Variants in B3GALT1 observed in about 807,000 individuals in gnomAD.
B3GALT1 encodes the protein UDP-Gal:betaGlcNAc beta 1,3-galactosyltransferase, polypeptide 1.
A neutral mutation model predicts 23.2 loss-of-function variants in B3GALT1; 10 were observed. The observed-to-expected ratio is 0.43, with a 90% CI of 0.27 to 0.73. The LOEUF is 0.73. B3GALT1 is among the 30% of genes least tolerant of loss of function. The pLI is 0.21. For missense variants in B3GALT1, 299 were observed against 405.4 expected, an observed-to-expected ratio of 0.74 and a Z score of 2.25; for synonymous variants, 156 against 141.5, an observed-to-expected ratio of 1.10 and a Z score of -0.73.
In B3GALT1 at chr2:167,740,684, GTGCAA is replaced by G. The variant is rs1310595887; in HGVS notation, c.-351-77987_-351-77983del. Among the ~76,000 whole-genome samples the G allele has an allele frequency of 2.0e-5, 3 of 152,054 alleles. No individual in the cohort carries two copies. The East Asian group carries it at 5.8e-4, about 29-fold the overall frequency. On this transcript the variant is annotated intron_variant, in intron 3 of 4. Transcript: ENST00000392690. Reference sequence around the variant, plus strand: ...TAAGAAGCAGATGAAATTCATCTTTGTGCAAATACTCTGAAAAGTAAAATATTACT... The same window carrying G: ...TAAGAAGCAGATGAAATTCATCTTTGATACTCTGAAAAGTAAAATATTACT...
intron 2 of B3GALT1, among the ~76,000 whole-genome samples, chr2:167,517,208 G>T (rs1700111422): frequency 6.6e-6 from 1 of 151,276 alleles, no homozygotes; most frequent in Admixed American, 6.6e-5. Flanking sequence ...CTACTTTGGG[G>T]TTTTATTGTT....
At chr2:167,541,267 A>G (rs1393221077) in intron 2 of B3GALT1, among the ~76,000 whole-genome samples, 2 of 152,140 alleles carry the variant, frequency 1.3e-5, no homozygotes, top group African/African-American at 4.8e-5. Context: ...TTGATTAAAG[A>G]TGCGGTTTCT....
intron 3 of B3GALT1, among the ~76,000 whole-genome samples, chr2:167,698,233 G>A (rs1281987955): frequency 6.6e-6 from 1 of 152,144 alleles, no homozygotes; most frequent in Non-Finnish European, 1.5e-5. Context: ...TTGTTTATAA[G>A]CAACTCAAGG....
intron 2 of B3GALT1, among the ~76,000 whole-genome samples, chr2:167,545,120 T>C (rs566204913): frequency 3.7e-4 from 51 of 136,344 alleles, no homozygotes; most frequent in East Asian, 1.5e-3. Flanking sequence ...CTGCAAGCTC[T>C]GCCTCCCGGG....
intron 3 of B3GALT1, among the ~76,000 whole-genome samples, chr2:167,763,645 T>G (rs1390027742): frequency 7.4e-6 from 1 of 134,536 alleles, no homozygotes; most frequent in Non-Finnish European, 1.6e-5. Flanking sequence ...GACCCGAGAT[T>G]GCTCTACTAC....
At chr2:167,560,832 C>T (rs1299296106) in intron 2 of B3GALT1, among the ~76,000 whole-genome samples, 2 of 152,132 alleles carry the variant, frequency 1.3e-5, no homozygotes, top group East Asian at 1.9e-4. Context: ...TACAAAGAGA[C>T]TTAGACTCCC....
chr2:167,497,214 G>A lies in B3GALT1; in HGVS notation c.-410+6937G>A, dbSNP rs1448949982. 3.3e-5 allele frequency among the ~76,000 whole-genome samples: 5 copies of A among 152,072 alleles called. No individual in the cohort carries two copies. In the East Asian group the frequency reaches 9.7e-4, roughly 29 times the overall value. ...TAGAACTGTTGTACAAAAATACAAAGTTGAGCAGAGGAAGGGAAATGAGGG... is the reference window on the plus strand; with the variant it reads ...TAGAACTGTTGTACAAAAATACAAAATTGAGCAGAGGAAGGGAAATGAGGG... On this transcript the variant is annotated intron_variant, in intron 2 of 4. Transcript: ENST00000392690.
At chr2:167,579,192 G>C (rs1208758592) in intron 2 of B3GALT1, among the ~76,000 whole-genome samples, 3 of 151,906 alleles carry the variant, frequency 2.0e-5, no homozygotes, top group Admixed American at 6.6e-5. Flanking sequence ...TGTTACATGT[G>C]CTATGCTGAA....
At chr2:167,843,796 C>T (rs949329370) in intron 4 of B3GALT1, among the ~76,000 whole-genome samples, 1 of 152,164 alleles carries the variant, frequency 6.6e-6, no homozygotes, top group Non-Finnish European at 1.5e-5. Context: ...GTTGTAGTTG[C>T]AGAATGATGA....
At chr2:167,542,215 T>C (rs1683545391) in intron 2 of B3GALT1, among the ~76,000 whole-genome samples, 2 of 152,168 alleles carry the variant, frequency 1.3e-5, no homozygotes, top group African/African-American at 2.4e-5. Flanking sequence ...GGACCTGTCC[T>C]TTCATAATTT....
At chr2:167,351,303 A>G (rs2105255486) in intron 1 of B3GALT1, among the ~76,000 whole-genome samples, 1 of 151,742 alleles carries the variant, frequency 6.6e-6, no homozygotes, top group South Asian at 2.1e-4. Context: ...AAAAAACCAC[A>G]CACAAAAACA....
chr2:167,772,222 CT>C (rs1476223572), intron 3 of B3GALT1, among the ~76,000 whole-genome samples: 1 of 152,150 alleles, frequency 6.6e-6, no homozygotes, highest in African/African-American at 2.4e-5. Context: ...TCTTGAGGTA[CT>C]CTTAAAATTG....
chr2:167,545,763 C>A (rs1683626532), intron 2 of B3GALT1, among the ~76,000 whole-genome samples: 1 of 152,180 alleles, frequency 6.6e-6, no homozygotes, highest in Non-Finnish European at 1.5e-5. Context: ...ACTCACACAA[C>A]TCAAAAAGTT....
intron 1 of B3GALT1, among the ~76,000 whole-genome samples, chr2:167,304,956 C>G (rs1353309516): frequency 2.0e-5 from 3 of 152,134 alleles, no homozygotes; most frequent in Non-Finnish European, 4.4e-5. Context: ...AAGCTGAGAG[C>G]AAATTCACCC....
At chr2:167,576,505 G>A (rs1053787336) in intron 2 of B3GALT1, among the ~76,000 whole-genome samples, 1 of 137,776 alleles carries the variant, frequency 7.3e-6, no homozygotes, top group African/African-American at 2.7e-5. Flanking sequence ...AAAGTAACTC[G>A]TTTTTTGTTT....
At chr2:167,366,593 T>A (rs193056357) in intron 1 of B3GALT1, among the ~76,000 whole-genome samples, 1 of 152,276 alleles carries the variant, frequency 6.6e-6, no homozygotes, top group African/African-American at 2.4e-5. Flanking sequence ...ATGTTTCAGT[T>A]GTCTGTTATC....
At chr2:167,460,277 G>A (rs539201368) in intron 1 of B3GALT1, among the ~76,000 whole-genome samples, 3 of 152,076 alleles carry the variant, frequency 2.0e-5, no homozygotes, top group East Asian at 1.9e-4. Flanking sequence ...GGTCTCTTAC[G>A]GTCTGTTCAC....
chr2:167,379,931 G>T (rs1697822285), intron 1 of B3GALT1, among the ~76,000 whole-genome samples: 1 of 152,234 alleles, frequency 6.6e-6, no homozygotes, highest in South Asian at 2.1e-4. Context: ...TGTGCATGTA[G>T]AGGAGAGGGC....
intron 1 of B3GALT1, among the ~76,000 whole-genome samples, chr2:167,443,827 A>G (rs946252831): frequency 2.6e-5 from 4 of 152,160 alleles, no homozygotes; most frequent in African/African-American, 9.7e-5. Context: ...GGACAATTTG[A>G]CTTCCTCTTT....
Sources: allele counts gnomAD v4.1 joint callset (sites outside exome capture counted in the v4.1 genomes callset), GRCh38; gene constraint gnomAD v4.1.1; transcripts MANE v1.5; gene names NCBI Gene and HGNC (gene_info 2026-07-23, HGNC 2026-07-21).